Variants in RGPD4 observed in about 807,000 individuals in gnomAD.
RGPD4 encodes the protein RANBP2 like and GRIP domain containing 4, also known as ranBP2-like and GRIP domain-containing protein 4.
RGPD4 carries 84 observed loss-of-function variants against 141.1 expected under a neutral mutation model. That is an observed-to-expected ratio of 0.60 (90% confidence interval 0.50 to 0.71). The LOEUF (loss-of-function observed/expected upper bound fraction) is 0.71, where lower values mean the gene tolerates loss of function less well. Among genes scored for constraint, RGPD4 ranks in the 30% least tolerant of loss-of-function variants. RGPD4 has a pLI of 0.00. For synonymous variants in RGPD4, 298 were observed against 566.8 expected (o/e 0.53, Z 6.74); for missense variants, 918 against 1,622.4 (o/e 0.57, Z 7.46).
In RGPD4 at chr2:107,871,107, G is replaced by A. The variant is rs1444991538; in HGVS notation, c.3103G>A (p.Asp1035Asn). ...TGCCTATAAGACTGAGGACAGCGATGACATCCATTTTGAACCAGTAGTTCA... is the reference window on the plus strand; with the variant it reads ...TGCCTATAAGACTGAGGACAGCGATAACATCCATTTTGAACCAGTAGTTCA... ...DDAYKTEDSD[D>N]IHFEPVVQMP... The change falls in exon 20 of 23, where the codon GAC becomes AAC. Residue 1035 changes from aspartate to asparagine, a missense_variant. Physicochemically the swap from Asp to Asn is conservative, Grantham distance 23. Coordinates refer to ENST00000408999, the MANE Select transcript of RGPD4 (RefSeq NM_182588.3). 4 of 1,611,072 alleles carry A rather than the reference G, an allele frequency of 2.5e-6. No homozygotes were observed. The highest frequency in any genetic ancestry group is 3.4e-6 in the Non-Finnish European group (4 of 1,179,806).
intron 4 of RGPD4, among the ~76,000 whole-genome samples, chr2:107,840,428 T>C (rs1288346883): frequency 6.6e-6 from 1 of 152,288 alleles, no homozygotes; most frequent in Non-Finnish European, 1.5e-5. Flanking sequence ...TTCTCCTGCC[T>C]CAGCCTTCCG....
intron 22 of RGPD4, among the ~76,000 whole-genome samples, chr2:107,886,083 A>G (rs1391601392): frequency 1.3e-5 from 2 of 149,402 alleles, no homozygotes; most frequent in African/African-American, 4.9e-5. Context: ...AAACTACAAG[A>G]TAGTTCAAAA....
chr2:107,875,856 A>AATGTATT (rs1683075136), intron 20 of RGPD4, among the ~76,000 whole-genome samples: 1 of 140,524 alleles, frequency 7.1e-6, no homozygotes, highest in Non-Finnish European at 1.5e-5. Context: ...TATGTATACT[A>AATGTATT]ATACTTGCTT....
chr2:107,877,966 C>A (rs2104510896), intron 20 of RGPD4, among the ~76,000 whole-genome samples: 1 of 151,500 alleles, frequency 6.6e-6, no homozygotes, highest in South Asian at 2.1e-4. Context: ...GCACCTGCCA[C>A]CGTGCCTGGC....
chr2:107,844,479 A>T (rs878856489), intron 6 of RGPD4, among the ~76,000 whole-genome samples: 1 of 152,164 alleles, frequency 6.6e-6, no homozygotes, highest in African/African-American at 2.4e-5. Context: ...CAGATTAGTA[A>T]TCTCCTCCTT....
At chr2:107,829,748 G>A (rs1271396160) in intron 1 of RGPD4, among the ~76,000 whole-genome samples, 1 of 152,052 alleles carries the variant, frequency 6.6e-6, no homozygotes, top group Admixed American at 6.5e-5. Context: ...GCTTGTTCCC[G>A]ACGCTTGTTC....
intron 1 of RGPD4, among the ~76,000 whole-genome samples, chr2:107,831,601 A>T (rs1573461461): frequency 1.2e-5 from 1 of 85,056 alleles, no homozygotes; most frequent in Non-Finnish European, 2.1e-5. Context: ...TTTGAGACGG[A>T]GTCTCGCTCT....
At chr2:107,857,772 A>G (rs1051550022) in intron 9 of RGPD4, among the ~76,000 whole-genome samples, 2 of 151,450 alleles carry the variant, frequency 1.3e-5, no homozygotes, top group African/African-American at 4.9e-5. Context: ...CGGGCAGATC[A>G]CCTGAGATCA....
At position 107,830,233 on chromosome 2, in the gene RGPD4, C is replaced by A. The variant is rs1681431708; in HGVS notation, c.72+3148C>A. Among the ~76,000 whole-genome samples the A allele has an allele frequency of 2.0e-5, 3 of 151,542 alleles. No individual in the cohort carries two copies. The South Asian group carries it at 6.3e-4, about 32-fold the overall frequency. On this transcript the variant is annotated intron_variant, in intron 1 of 22. Transcript: ENST00000408999. ...CGTTAGTATGGCTTGCAATTTTTAACCTTTTCCACAGATGTTTTAAGGGTA... is the reference window on the plus strand; with the variant it reads ...CGTTAGTATGGCTTGCAATTTTTAAACTTTTCCACAGATGTTTTAAGGGTA...
At chr2:107,889,126 C>T (rs920063744) in intron 22 of RGPD4, among the ~76,000 whole-genome samples, 11 of 150,162 alleles carry the variant, frequency 7.3e-5, no homozygotes, top group East Asian at 3.9e-4. Context: ...TACATATATA[C>T]GTATGAAAAC....
chr2:107,859,743 G>C lies in RGPD4; in HGVS notation c.1656G>C (p.Leu552Phe). ...RKAVPGNSAK[L>F]RLLVQHEINT... Reference sequence around the variant, plus strand: ...TTAGACCTGGAAACTCAGCAAAATTGAGACTTTTAGTTCAGCATGAAATAA... The same window carrying C: ...TTAGACCTGGAAACTCAGCAAAATTCAGACTTTTAGTTCAGCATGAAATAA... The change falls in exon 12 of 23, where the codon TTG (leucine) becomes TTC (phenylalanine). Residue 552 changes from leucine to phenylalanine, a missense_variant. Physicochemically the swap from Leu to Phe is conservative, Grantham distance 22. Coordinates refer to ENST00000408999, the MANE Select transcript of RGPD4 (RefSeq NM_182588.3). 2.5e-6 allele frequency: 4 copies of C among 1,611,170 alleles called. No homozygotes were observed. The highest frequency in any genetic ancestry group is 3.4e-6 in the Non-Finnish European group (4 of 1,179,826).
Position 107,880,056 on chromosome 2 carries a change from C to A in RGPD4, c.5013C>A (p.Gly1671=). ...STTKSADHLN[G]LLREAEATSA... is the part of the protein sequence containing the mutation. ...CAAAAAGTGCAGATCACTTAAACGG[C>A]CTGCTTCGGGAAGCAGAGGCAACCA... The change falls in exon 21 of 23, where the codon GGC becomes GGA. Residue 1671 remains glycine (G), a synonymous_variant. Coordinates refer to ENST00000408999, the MANE Select transcript of RGPD4 (RefSeq NM_182588.3). The A allele has an allele frequency of 6.2e-7, 1 of 1,611,380 alleles. No homozygotes were observed. The highest frequency in any genetic ancestry group is 1.1e-5 in the South Asian group (1 of 90,974).
At chr2:107,878,563 C>A (rs1025108214) in intron 20 of RGPD4, among the ~76,000 whole-genome samples, 4 of 150,596 alleles carry the variant, frequency 2.7e-5, no homozygotes, top group African/African-American at 7.4e-5. Context: ...GGTACATATG[C>A]TTTTTTGGGC....
chr2:107,834,024 G>C (rs972339259), intron 1 of RGPD4, among the ~76,000 whole-genome samples: 1 of 151,456 alleles, frequency 6.6e-6, no homozygotes, highest in South Asian at 2.1e-4. Context: ...AAAAAGGAAG[G>C]GGGGAACAAG....
At chr2:107,829,819 G>A (rs1191332255) in intron 1 of RGPD4, among the ~76,000 whole-genome samples, 3 of 152,094 alleles carry the variant, frequency 2.0e-5, no homozygotes, top group African/African-American at 7.2e-5. Context: ...TAGTACCCGC[G>A]CAGCCTGGTT....
At chr2:107,888,474 C>T (rs1675568656) in intron 22 of RGPD4, among the ~76,000 whole-genome samples, 1 of 150,922 alleles carries the variant, frequency 6.6e-6, no homozygotes, top group South Asian at 2.1e-4. Context: ...CCAAGTTGTC[C>T]ATCCCTAAGC....
rs752513265 is a variant in RGPD4, at chr2:107,882,763, A to C, written c.5156A>C (p.Gln1719Pro). ...NVEHLKNVLL[Q>P]FIFLKPGSER... ...GAACACTTGAAGAACGTCTTGCTGC[A>C]GTTCATTTTCTTGAAGCCAGGTAGT... The change falls in exon 22 of 23, where the codon CAG becomes CCG. Residue 1719 changes from glutamine to proline, a missense_variant. Physicochemically the swap from Gln to Pro is moderately conservative, Grantham distance 76 (BLOSUM62 -1). Coordinates refer to ENST00000408999, the MANE Select transcript of RGPD4 (RefSeq NM_182588.3). 2.5e-6 allele frequency: 4 copies of C among 1,611,590 alleles called. No individual in the cohort carries two copies. Among genetic ancestry groups the C allele is most frequent in the Non-Finnish European group, 2.5e-6 (3 of 1,179,862 alleles).
chr2:107,827,045 A>T lies in RGPD4; in HGVS notation c.32A>T (p.Tyr11Phe), dbSNP rs1183401760. 1 of 1,598,646 alleles carries T rather than the reference A, an allele frequency of 6.3e-7. No individual in the cohort carries two copies. The highest frequency in any genetic ancestry group is 8.5e-7 in the Non-Finnish European group (1 of 1,174,046). Residue 11 changes from tyrosine (Y) to phenylalanine (F), a missense_variant, in exon 1 of 23, where the codon TAC (tyrosine) becomes TTC (phenylalanine). Transcript: ENST00000408999. ...TGCAGCAAGGCCTACGGGGAGCGGT[A>T]CGTCGCCTCCGTGCAGGGCTCCGCC... MSCSKAYGER[Y>F]VASVQGSAPS...
At position 107,829,606 on chromosome 2, in the gene RGPD4, G is replaced by C. The variant is rs1022471451; in HGVS notation, c.72+2521G>C. Among the ~76,000 whole-genome samples the C allele has an allele frequency of 3.0e-4, 45 of 150,340 alleles. 1 individual carries two copies. The highest frequency in any genetic ancestry group is 3.5e-3 in the Middle Eastern group (1 of 288). ...GGCTCCCGACGGGCGCTGCTCCCAG[G>C]CGGGCTCTGTTGAGGCGCCGGCCGG... On this transcript the variant is annotated intron_variant, in intron 1 of 22. Coordinates refer to ENST00000408999, the MANE Select transcript of RGPD4 (RefSeq NM_182588.3).
Sources: gnomAD v4.1 joint callset for allele counts (sites outside exome capture counted in the v4.1 genomes callset) on GRCh38, gnomAD v4.1.1 for gene constraint, MANE v1.5 for transcripts, NCBI Gene and HGNC (gene_info 2026-07-23, HGNC 2026-07-21) for gene names.